Variants in TRPC4AP observed in about 807,000 individuals in gnomAD.
TRPC4AP encodes transient receptor potential cation channel subfamily C member 4 associated protein.
Under a neutral mutation model 99.0 loss-of-function variants are expected in TRPC4AP, and 45 were observed. The observed-to-expected ratio is 0.45, with a 90% CI of 0.36 to 0.58. The LOEUF (loss-of-function observed/expected upper bound fraction) is 0.58, where lower values mean the gene tolerates loss of function less well. TRPC4AP is among the 20% of genes least tolerant of loss of function. The pLI, the probability that TRPC4AP is intolerant of heterozygous loss-of-function variation, is 0.00. For missense variants in TRPC4AP, 879 were observed against 985.3 expected, an observed-to-expected ratio of 0.89 and a Z score of 1.44; for synonymous variants, 408 against 385.8, an observed-to-expected ratio of 1.06 and a Z score of -0.67.
chr20:35,083,738 C>T (rs543849075), intron 1 of TRPC4AP, among the ~76,000 whole-genome samples: 4 of 151,156 alleles, frequency 2.6e-5, no homozygotes, highest in Non-Finnish European at 4.4e-5. Flanking sequence ...AAGTTACCTC[C>T]CATGTACTCT....
At chr20:35,064,213 C>A (rs1190766621) in intron 3 of TRPC4AP, among the ~76,000 whole-genome samples, 1 of 152,162 alleles carries the variant, frequency 6.6e-6, no homozygotes, top group African/African-American at 2.4e-5. Flanking sequence ...CTAGGAGCTA[C>A]CCCAGAACAA....
intron 9 of TRPC4AP, among the ~76,000 whole-genome samples, chr20:35,019,689 T>C (rs933919357): frequency 6.6e-6 from 1 of 152,186 alleles, no homozygotes; most frequent in African/African-American, 2.4e-5. Flanking sequence ...AAAAAAGTAA[T>C]AGCACTCAAT....
At chr20:35,092,544 CTCTTCCCCGGCCCCCCG>C in intron 1 of TRPC4AP, 53 bp downstream of exon 1, 1 of 1,410,196 alleles carries the variant, frequency 7.1e-7, no homozygotes, top group Non-Finnish European at 9.2e-7. Context: ...CTGGAAAGGC[CTCTTCCCCGGCCCCCCG>C]CCAGCTCCCG....
intron 5 of TRPC4AP, among the ~76,000 whole-genome samples, chr20:35,054,087 C>T (rs567521946): frequency 1.3e-5 from 2 of 152,112 alleles, no homozygotes; most frequent in Admixed American, 6.5e-5. Flanking sequence ...CTTCTTCTTT[C>T]TTACCTGCTT....
intron 3 of TRPC4AP, among the ~76,000 whole-genome samples, chr20:35,068,978 C>CACACAAAAA (rs748790693): frequency 5.3e-5 from 5 of 95,208 alleles, no homozygotes; most frequent in African/African-American, 2.0e-4. Flanking sequence ...CACACACACA[C>CACACAAAAA]AAAAAAAACA....
At chr20:35,052,616 T>C (rs2147383142) in intron 5 of TRPC4AP, among the ~76,000 whole-genome samples, 1 of 152,200 alleles carries the variant, frequency 6.6e-6, no homozygotes, top group Non-Finnish European at 1.5e-5. Context: ...TTGCCTCTCC[T>C]GAGTAGCTGG....
At chr20:35,073,906 T>C (rs948114447) in intron 2 of TRPC4AP, among the ~76,000 whole-genome samples, 4 of 152,214 alleles carry the variant, frequency 2.6e-5, no homozygotes, top group African/African-American at 9.6e-5. Context: ...TCCTGGACTT[T>C]TTTTGGTTGG....
At chr20:35,019,248 G>A (rs2082828890) in intron 9 of TRPC4AP, among the ~76,000 whole-genome samples, 1 of 152,210 alleles carries the variant, frequency 6.6e-6, no homozygotes, top group South Asian at 2.1e-4. Flanking sequence ...TGCTGACTGT[G>A]CAAATGAGAA....
intron 2 of TRPC4AP, among the ~76,000 whole-genome samples, chr20:35,075,023 G>A (rs531044715): frequency 1.8e-4 from 28 of 151,956 alleles, no homozygotes; most frequent in Admixed American, 5.3e-4. Flanking sequence ...TAATGGCCTT[G>A]TCTCTTTTGA....
intron 7 of TRPC4AP, among the ~76,000 whole-genome samples, chr20:35,036,075 A>T (rs2083309646): frequency 6.6e-6 from 1 of 152,166 alleles, no homozygotes; most frequent in Admixed American, 6.5e-5. Flanking sequence ...ATAATCACCC[A>T]ATTTTTCTTT....
In TRPC4AP at chr20:35,024,850, A is replaced by AC. The variant is rs1336997084; in HGVS notation, c.1052-3495_1052-3494insG. On this transcript the variant is annotated intron_variant, in intron 8 of 18. Transcript: ENST00000252015. Reference sequence around the variant, plus strand: ...CAAAAAAAAAAAAAAAAAAAAAAAAAAAAAATTCTGTTTATTCATTAATCA... The same window carrying AC: ...CAAAAAAAAAAAAAAAAAAAAAAAAACAAAAATTCTGTTTATTCATTAATCA... Among the ~76,000 whole-genome samples the AC allele has an allele frequency of 3.1e-3, 429 of 138,334 alleles. 19 individuals carry two copies. Among genetic ancestry groups the AC allele is most frequent in the African/African-American group, 0.01 (386 of 37,728 alleles). The allele number at this position is 138,334 out of a possible 152,430, so 90.8% of individuals were successfully genotyped here. A position where few individuals can be genotyped will look rare whatever the true frequency, so the allele number is the denominator to read the frequency against.
At chr20:35,004,591 G>A in intron 16 of TRPC4AP, 21 bp from the exon 17 acceptor site, 1 of 1,606,426 alleles carries the variant, frequency 6.2e-7, no homozygotes, top group Non-Finnish European at 8.5e-7. Context: ...AGGCAGGGGT[G>A]CAGCAGGTCA....
intron 13 of TRPC4AP, among the ~76,000 whole-genome samples, chr20:35,008,361 T>C (rs1025801850): frequency 7.9e-5 from 12 of 152,256 alleles, no homozygotes; most frequent in Middle Eastern, 6.8e-3. Context: ...CCACACTGCA[T>C]TGAAACAGCA....
At chr20:35,088,819 T>G (rs2084958870) in intron 1 of TRPC4AP, among the ~76,000 whole-genome samples, 1 of 152,036 alleles carries the variant, frequency 6.6e-6, no homozygotes, top group Non-Finnish European at 1.5e-5. Context: ...TTATGTTAAG[T>G]AAAATAAGCC....
At chr20:35,044,807 T>C (rs2083523052) in intron 6 of TRPC4AP, 95 bp from the exon 7 acceptor site, 4 of 1,187,700 alleles carry the variant, frequency 3.4e-6, no homozygotes, top group Non-Finnish European at 4.9e-6. Flanking sequence ...CGGGGCTTAG[T>C]GGCTAGATCA....
At position 35,091,385 on chromosome 20, in the gene TRPC4AP, A is replaced by T. The variant is rs1170156860; in HGVS notation, c.168+1229T>A. Among the ~76,000 whole-genome samples, 4 of 152,170 alleles carry T rather than the reference A, an allele frequency of 2.6e-5. No individual in the cohort carries two copies. The East Asian group carries it at 7.7e-4, about 29-fold the overall frequency. On this transcript the variant is annotated intron_variant, in intron 1 of 18. Transcript: ENST00000252015. The stretch of plus-strand genomic sequence containing the variant: ...GCTCCTTTCGTCCACAGTCCTCCAT[A>T]CACACAGACCCCCTAGCCTTTATTT...
chr20:35,060,604 A>C (rs1198623258), intron 3 of TRPC4AP, among the ~76,000 whole-genome samples: 1 of 150,714 alleles, frequency 6.6e-6, no homozygotes, highest in Non-Finnish European at 1.5e-5. Flanking sequence ...AAAAAAAAAA[A>C]AAAAAACAAG....
intron 11 of TRPC4AP, 68 bp downstream of exon 11, chr20:35,012,940 G>T: frequency 6.5e-7 from 1 of 1,537,538 alleles, no homozygotes; most frequent in African/African-American, 1.4e-5. Flanking sequence ...TCAGGGACCA[G>T]ACAAGGAGAT....
chr20:35,004,503 G>C lies in TRPC4AP; in HGVS notation c.2004C>G (p.Phe668Leu). 1.2e-6 allele frequency: 2 copies of C among 1,614,146 alleles called. No individual in the cohort carries two copies. The highest frequency in any genetic ancestry group is 1.7e-6 in the Non-Finnish European group (2 of 1,179,994). Residue 668 changes from phenylalanine (F) to leucine (L), a missense_variant, in exon 17 of 19, where the codon TTC (phenylalanine) becomes TTG (leucine). Phe to Leu is a conservative substitution (Grantham distance 22, BLOSUM62 0). This residue lies in a region of TRPC4AP where 224 missense variants were observed against 264.7 expected (regional missense o/e 0.85). Coordinates refer to ENST00000252015, the MANE Select transcript of TRPC4AP (RefSeq NM_015638.3). ...YISQVPTQMS[F>L]LFRLINIIHV... is the part of the protein sequence containing the mutation. Reference sequence around the variant, plus strand: ...GGATGATGTTGATGAGGCGGAAGAGGAAGGACATCTGCGTGGGCACCTGGG... The same window carrying C: ...GGATGATGTTGATGAGGCGGAAGAGCAAGGACATCTGCGTGGGCACCTGGG...
Sources: gnomAD v4.1 joint callset for allele counts (sites outside exome capture counted in the v4.1 genomes callset) on GRCh38, gnomAD v4.1.1 for gene constraint, gnomAD v4.1.1 regional missense constraint, MANE v1.5 for transcripts, NCBI Gene and HGNC (gene_info 2026-07-23, HGNC 2026-07-21) for gene names.